Variants in NDUFAF5 observed in about 807,000 individuals in gnomAD.
NDUFAF5 encodes arginine-hydroxylase NDUFAF5, mitochondrial.
Under a neutral mutation model 48.9 loss-of-function variants are expected in NDUFAF5, and 34 were observed. That is an observed-to-expected ratio of 0.70 (90% confidence interval 0.53 to 0.93). NDUFAF5 has a LOEUF of 0.93. Ranked by LOEUF, NDUFAF5 falls within the 40% of genes least tolerant of loss-of-function variation. NDUFAF5 has a pLI of 0.00. For synonymous variants in NDUFAF5, 153 were observed against 150.6 expected (o/e 1.02, Z -0.12); for missense variants, 428 against 427.5 (o/e 1.00, Z -0.01).
At chr20:13,799,840 A>C (rs1042211927) in intron 6 of NDUFAF5, among the ~76,000 whole-genome samples, 2 of 152,172 alleles carry the variant, frequency 1.3e-5, no homozygotes, top group African/African-American at 4.8e-5. Flanking sequence ...AGGACTCTAC[A>C]AGGAAAGAAT....
chr20:13,797,144 G>A (rs1983364540), intron 5 of NDUFAF5, among the ~76,000 whole-genome samples: 1 of 152,186 alleles, frequency 6.6e-6, no homozygotes, highest in Admixed American at 6.5e-5. Flanking sequence ...TTATTGGTGG[G>A]AATGCGAAAT....
At chr20:13,805,293 T>C (rs1372881971) in intron 7 of NDUFAF5, among the ~76,000 whole-genome samples, 1 of 152,228 alleles carries the variant, frequency 6.6e-6, no homozygotes, top group Non-Finnish European at 1.5e-5. Context: ...GGATTTCTGC[T>C]AATCACCAGA....
intron 3 of NDUFAF5, 41 bp downstream of exon 3, chr20:13,788,693 A>G (rs2147485111): frequency 7.7e-7 from 1 of 1,299,620 alleles, no homozygotes; most frequent in South Asian, 1.2e-5. Context: ...GAAAAGTAAC[A>G]TTGGCTAATT....
At chr20:13,800,697 C>T (rs903850412) in intron 6 of NDUFAF5, among the ~76,000 whole-genome samples, 3 of 152,188 alleles carry the variant, frequency 2.0e-5, no homozygotes, top group African/African-American at 7.2e-5. Context: ...TAATAAGGCA[C>T]CCCAACTTGA....
In NDUFAF5 at chr20:13,788,601, T is replaced by G. The variant is rs1981626740; in HGVS notation, c.276T>G (p.Leu92=). 6.2e-7 allele frequency: 1 copy of G among 1,611,716 alleles called. No individual in the cohort carries two copies. The highest frequency in any genetic ancestry group is 1.7e-5 in the Admixed American group (1 of 59,998). ...TCTTTTTTTTTAGAAATTTCCCCCTTGCTTTGGATCTTGGTTGTGGAAGAG... is the reference window on the plus strand; with the variant it reads ...TCTTTTTTTTTAGAAATTTCCCCCTGGCTTTGGATCTTGGTTGTGGAAGAG... ...RVYDIPRNFP[L]ALDLGCGRGY... Residue 92 remains leucine, a synonymous_variant, in exon 3 of 11, where the codon CTT becomes CTG. Transcript: ENST00000378106.
intron 6 of NDUFAF5, among the ~76,000 whole-genome samples, chr20:13,799,077 G>A (rs1425674154): frequency 6.6e-6 from 1 of 152,170 alleles, no homozygotes; most frequent in African/African-American, 2.4e-5. Flanking sequence ...AGAATCACAG[G>A]ATAGGTGGAG....
At position 13,785,090 on chromosome 20, in the gene NDUFAF5, T is replaced by C; in HGVS notation, c.22T>C (p.Trp8Arg). The C allele has an allele frequency of 6.2e-7, 1 of 1,612,854 alleles. No individual in the cohort carries two copies. Reference sequence around the variant, plus strand: ...GGAGATGCTGCGGCCGGCAGGGCTCTGGCGCTTATGTCGGCGACCTTGGGC... The same window carrying C: ...GGAGATGCTGCGGCCGGCAGGGCTCCGGCGCTTATGTCGGCGACCTTGGGC... MLRPAGL[W>R]RLCRRPWAAR... The change falls in exon 1 of 11, where the codon TGG (tryptophan) becomes CGG (arginine). Residue 8 changes from tryptophan (W) to arginine (R), a missense_variant. Trp to Arg is a moderately radical substitution (Grantham distance 101, BLOSUM62 -3). Transcript: ENST00000378106.
chr20:13,793,145 ATTTG>A (rs1313208481), intron 3 of NDUFAF5, 31 bp from the exon 4 acceptor site: 9 of 1,612,556 alleles, frequency 5.6e-6, no homozygotes, highest in Non-Finnish European at 7.6e-6. Context: ...TTGTGACTGG[ATTTG>A]TTTGTTTCAG....
rs1398984739 is a variant in NDUFAF5 at position 13,816,901 on chromosome 20, G to A, written c.889G>A (p.Val297Ile). 6 of 1,610,026 alleles carry A rather than the reference G, an allele frequency of 3.7e-6. No homozygotes were observed. The South Asian group carries it at 5.5e-5, about 15-fold the overall frequency. Residue 297 changes from valine (V) to isoleucine (I), a missense_variant, in exon 10 of 11, where the codon GTA becomes ATA. Physicochemically the swap from Val to Ile is conservative, Grantham distance 29. Transcript: ENST00000378106. ...AATGTACAGAAATGAAGATGGTTCA[G>A]TACCTGCTACATACCAGATCTATTA... Reference protein sequence around the residue: ...REMYRNEDGSVPATYQIYYMI... With the variant: ...REMYRNEDGSIPATYQIYYMI...
intron 8 of NDUFAF5, among the ~76,000 whole-genome samples, chr20:13,810,801 T>C (rs540717140): frequency 4.6e-5 from 7 of 152,068 alleles, no homozygotes; most frequent in African/African-American, 7.2e-5. Context: ...GGCAAAGTTA[T>C]AGCAGGAAGG....
chr20:13,814,714 A>C (rs1986262261), intron 8 of NDUFAF5, among the ~76,000 whole-genome samples: 1 of 152,168 alleles, frequency 6.6e-6, no homozygotes, highest in Non-Finnish European at 1.5e-5. Context: ...AGTTTTTCCC[A>C]GGTGGTCTTC....
intron 7 of NDUFAF5, among the ~76,000 whole-genome samples, chr20:13,807,787 CA>C (rs963862879): frequency 1.2e-3 from 162 of 139,538 alleles, no homozygotes; most frequent in African/African-American, 1.5e-3. Flanking sequence ...ACTAAAAATA[CA>C]AAAAAAAAAA....
chr20:13,809,504 C>T (rs1568777756), intron 8 of NDUFAF5, among the ~76,000 whole-genome samples: 1 of 152,144 alleles, frequency 6.6e-6, no homozygotes, highest in Non-Finnish European at 1.5e-5. Flanking sequence ...ATAGCAAGAA[C>T]TGAAAGAAGG....
chr20:13,809,721 A>G (rs1985589826), intron 8 of NDUFAF5, among the ~76,000 whole-genome samples: 1 of 152,258 alleles, frequency 6.6e-6, no homozygotes, highest in African/African-American at 2.4e-5. Flanking sequence ...CAGATAAACT[A>G]GTCACGAGAT....
chr20:13,812,021 C>T (rs1985930814), intron 8 of NDUFAF5, among the ~76,000 whole-genome samples: 1 of 152,176 alleles, frequency 6.6e-6, no homozygotes, highest in African/African-American at 2.4e-5. Context: ...GTTGTTCTTG[C>T]TTGCTTAAGT....
intron 7 of NDUFAF5, among the ~76,000 whole-genome samples, chr20:13,802,788 TC>T (rs770491466): frequency 3.9e-5 from 6 of 152,066 alleles, no homozygotes; most frequent in Non-Finnish European, 8.8e-5. Context: ...CCTTCCTCTT[TC>T]CCCATCACTC....
Position 13,791,876 on chromosome 20 carries a change from A to G in NDUFAF5, c.328-1304A>G, listed in dbSNP as rs774247914. On this transcript the variant is annotated intron_variant, in intron 3 of 10. Transcript: ENST00000378106. ...GCCCCATATGAATATGCTACACCCAAGGGTAGCTGAAGCTAGCTTAGGCCA... is the reference window on the plus strand; with the variant it reads ...GCCCCATATGAATATGCTACACCCAGGGGTAGCTGAAGCTAGCTTAGGCCA... Among the ~76,000 whole-genome samples, 7 of 152,206 alleles carry G rather than the reference A, an allele frequency of 4.6e-5. No homozygotes were observed. The East Asian group carries it at 5.8e-4, about 13-fold the overall frequency.
chr20:13,788,451 T>C, intron 2 of NDUFAF5, 138 bp from the exon 3 acceptor site: 1 of 698,958 alleles, frequency 1.4e-6, no homozygotes, highest in Non-Finnish European at 2.6e-6. Flanking sequence ...ATACAGCTTG[T>C]AAGGTGAGGC....
At position 13,817,542 on chromosome 20, in the gene NDUFAF5, A is replaced by G. The variant is rs1986623068; in HGVS notation, c.*332A>G. 2 of 475,404 alleles carry G rather than the reference A, an allele frequency of 4.2e-6. No individual in the cohort carries two copies. The highest frequency in any genetic ancestry group is 2.3e-5 in the Admixed American group (1 of 43,206). The allele number at this position is 475,404 out of a possible 1,614,324, so 29.4% of individuals were successfully genotyped here. A position where few individuals can be genotyped will look rare whatever the true frequency, so the allele number is the denominator to read the frequency against. On this transcript the variant is annotated 3_prime_UTR_variant, in exon 11 of 11. Transcript: ENST00000378106. Reference sequence around the variant, plus strand: ...CTTTTACACCTTTTTCATTTGTCATACTGTTTTCTTTGCCTTGAAGAGGAA... The same window carrying G: ...CTTTTACACCTTTTTCATTTGTCATGCTGTTTTCTTTGCCTTGAAGAGGAA...
Sources: gnomAD v4.1 joint callset for allele counts (sites outside exome capture counted in the v4.1 genomes callset) on GRCh38, gnomAD v4.1.1 for gene constraint, MANE v1.5 for transcripts, NCBI Gene and HGNC (gene_info 2026-07-23, HGNC 2026-07-21) for gene names.